The following ZBBX variants were observed in gnomAD, a reference collection of about 807,000 sequenced individuals.
ZBBX encodes the protein zinc finger B-box domain-containing protein 1.
A neutral mutation model predicts 108.5 loss-of-function variants in ZBBX; 101 were observed. The ratio of observed to expected loss-of-function variants is 0.93; its 90% CI spans 0.79 to 1.10. ZBBX has a LOEUF of 1.10. Ranked by LOEUF, ZBBX falls within the 50% of genes least tolerant of loss-of-function variation. The probability of loss-of-function intolerance (pLI) is 0.00; values close to 1 mark genes in which losing one functional copy is unlikely to be tolerated. For missense variants in ZBBX, 1,009 were observed against 941.4 expected, an observed-to-expected ratio of 1.07 and a Z score of -0.94; for synonymous variants, 356 against 323.4, an observed-to-expected ratio of 1.10 and a Z score of -1.08.
intron 20 of ZBBX, among the ~76,000 whole-genome samples, chr3:167,260,163 A>G (rs975474882): frequency 4.6e-5 from 7 of 152,268 alleles, no homozygotes; most frequent in Admixed American, 3.9e-4. Context: ...ATAGGGCCCC[A>G]ATCCCTTCTA....
intron 20 of ZBBX, among the ~76,000 whole-genome samples, chr3:167,245,909 T>C (rs1721493944): frequency 6.6e-6 from 1 of 152,204 alleles, no homozygotes; most frequent in African/African-American, 2.4e-5. Context: ...CAAAATTGAT[T>C]TGAAGTAAAG....
intron 1 of ZBBX, among the ~76,000 whole-genome samples, chr3:167,402,813 G>T (rs994563045): frequency 6.6e-6 from 1 of 150,610 alleles, no homozygotes; most frequent in African/African-American, 2.4e-5. Context: ...GAACTATACA[G>T]AAAAATCACA....
chr3:167,400,143 G>A (rs1211413895), intron 1 of ZBBX, among the ~76,000 whole-genome samples: 3 of 151,968 alleles, frequency 2.0e-5, no homozygotes, highest in Non-Finnish European at 4.4e-5. Context: ...CTTTTTTATT[G>A]TGAATAATGC....
chr3:167,307,500 T>G (rs1331163183), intron 16 of ZBBX, among the ~76,000 whole-genome samples: 2 of 151,828 alleles, frequency 1.3e-5, no homozygotes, highest in African/African-American at 4.8e-5. Context: ...CCAAAAGAGC[T>G]CCAATAGCTA....
At chr3:167,185,340 C>T in the ZBBX span, among the ~76,000 whole-genome samples, 1 of 151,922 alleles carries the variant, frequency 6.6e-6, no homozygotes, top group East Asian at 1.9e-4. Flanking sequence ...CAATAAAAAC[C>T]AAAGCTGAGG....
intron 1 of ZBBX, among the ~76,000 whole-genome samples, chr3:167,396,314 A>G (rs1035865680): frequency 2.9e-4 from 44 of 152,106 alleles, no homozygotes; most frequent in African/African-American, 1.0e-3. Context: ...CTCTTTGCAT[A>G]GTTGTAAGCC....
intron 18 of ZBBX, among the ~76,000 whole-genome samples, chr3:167,297,906 T>A (rs1731955527): frequency 6.6e-6 from 1 of 151,964 alleles, no homozygotes; most frequent in East Asian, 1.9e-4. Flanking sequence ...ACAAGTATTG[T>A]CAAGAATATG....
chr3:167,188,058 T>A, the ZBBX span, among the ~76,000 whole-genome samples: 1 of 151,820 alleles, frequency 6.6e-6, no homozygotes, highest in Non-Finnish European at 1.5e-5. Context: ...AAGAAAGAAA[T>A]CACAATAGAG....
chr3:167,247,655 A>T (rs1247206030), intron 20 of ZBBX, among the ~76,000 whole-genome samples: 1 of 152,126 alleles, frequency 6.6e-6, no homozygotes, highest in Admixed American at 6.5e-5. Context: ...TCACCCCTAG[A>T]CACTGTCGTT....
intron 1 of ZBBX, among the ~76,000 whole-genome samples, chr3:167,405,450 C>T (rs1166583908): frequency 6.6e-6 from 1 of 151,988 alleles, no homozygotes; most frequent in African/African-American, 2.4e-5. Flanking sequence ...AAGATAATGT[C>T]GAAGCGAGAT....
In ZBBX at chr3:167,333,988, AT is replaced by A. The variant is rs1739114639; in HGVS notation, c.529-4del. 6.6e-7 allele frequency: 1 copy of A among 1,514,172 alleles called. No homozygotes were observed. Among genetic ancestry groups the A allele is most frequent in the African/African-American group, 1.4e-5 (1 of 71,612 alleles). The allele number at this position is 1,514,172 out of a possible 1,614,324, so 93.8% of individuals were successfully genotyped here. A position where few individuals can be genotyped will look rare whatever the true frequency, so the allele number is the denominator to read the frequency against. On this transcript the variant is annotated splice_polypyrimidine_tract_variant and splice_region_variant and intron_variant, in intron 9 of 21. Coordinates refer to ENST00000675490, the MANE Select transcript of ZBBX (RefSeq NM_001199201.2). ...TTGAATAATATTTGAGATTTTGCCTATTAAAAAAGTAACAATATAATTAAAG... is the reference window on the plus strand; with the variant it reads ...TTGAATAATATTTGAGATTTTGCCTATAAAAAAGTAACAATATAATTAAAG...
the ZBBX span, among the ~76,000 whole-genome samples, chr3:167,191,896 CAT>C: frequency 0.37 from 25,411 of 68,030 alleles, 4,473 homozygotes; most frequent in Admixed American, 0.48. Flanking sequence ...TTACAAAAAT[CAT>C]ATATATATAT....
the ZBBX span, among the ~76,000 whole-genome samples, chr3:167,232,194 A>G: frequency 6.6e-6 from 1 of 151,866 alleles, no homozygotes; most frequent in Non-Finnish European, 1.5e-5. Context: ...TGTCTTTTAC[A>G]TAACAGTGCA....
intron 11 of ZBBX, among the ~76,000 whole-genome samples, chr3:167,325,869 T>C (rs960139962): frequency 1.3e-5 from 2 of 152,158 alleles, no homozygotes; most frequent in Admixed American, 6.6e-5. Context: ...GTTATAATGA[T>C]AATAATTTAT....
rs528325755 is a variant in ZBBX, at chr3:167,306,530, C to T, written c.1418-580G>A. Among the ~76,000 whole-genome samples the T allele has an allele frequency of 2.4e-4, 37 of 152,116 alleles. 1 individual carries two copies. Among genetic ancestry groups the T allele is most frequent in the Non-Finnish European group, 4.3e-4 (29 of 67,994 alleles). ...AAATAAATCATTTGGTTTACATCAC[C>T]GGTTTTTAACCTGGTTGCACAGTAG... On this transcript the variant is annotated intron_variant, in intron 16 of 21. Transcript: ENST00000675490.
the ZBBX span, among the ~76,000 whole-genome samples, chr3:167,210,487 A>C: frequency 0.013 from 1,969 of 152,322 alleles, 48 homozygotes; most frequent in African/African-American, 0.045. Context: ...AGGGGTAGAA[A>C]GCTTATTCAA....
At chr3:167,195,257 T>G in the ZBBX span, among the ~76,000 whole-genome samples, 1 of 152,194 alleles carries the variant, frequency 6.6e-6, no homozygotes, top group Non-Finnish European at 1.5e-5. Context: ...ACTAAAGGCC[T>G]ACAATTCTCT....
intron 20 of ZBBX, among the ~76,000 whole-genome samples, chr3:167,274,133 G>A (rs1727046293): frequency 6.6e-6 from 1 of 152,088 alleles, no homozygotes; most frequent in African/African-American, 2.4e-5. Context: ...AAACAATACT[G>A]CCCCCGACAG....
chr3:167,354,116 A>G (rs1212181435), intron 8 of ZBBX, among the ~76,000 whole-genome samples: 1 of 152,046 alleles, frequency 6.6e-6, no homozygotes, highest in African/African-American at 2.4e-5. Context: ...GAGCAAAATC[A>G]TCTAACACAA....
Sources: allele counts gnomAD v4.1 joint callset (sites outside exome capture counted in the v4.1 genomes callset), GRCh38; gene constraint gnomAD v4.1.1; transcripts MANE v1.5; gene names NCBI Gene and HGNC (gene_info 2026-07-23, HGNC 2026-07-21).